Variants in OR2M4 observed in about 807,000 individuals in gnomAD.
OR2M4 encodes olfactory receptor family 2 subfamily M member 4, also known as olfactory receptor 2M4.
In OR2M4, 8 loss-of-function variants were observed where a neutral mutation model predicts 13.7. The observed-to-expected ratio is 0.58, with a 90% CI of 0.34 to 1.05. The LOEUF (loss-of-function observed/expected upper bound fraction) is 1.05. Among genes scored for constraint, OR2M4 ranks in the 50% least tolerant of loss-of-function variants. The pLI is 0.02. For missense variants in OR2M4, 374 were observed against 381.6 expected, an observed-to-expected ratio of 0.98 and a Z score of 0.17; for synonymous variants, 152 against 141.3, an observed-to-expected ratio of 1.08 and a Z score of -0.53.
chr1:248,236,664 G>C (rs1289714708), intron 1 of OR2M4, among the ~76,000 whole-genome samples: 1 of 151,934 alleles, frequency 6.6e-6, no homozygotes, highest in East Asian at 1.9e-4. Flanking sequence ...AAAATAGACT[G>C]CTGGCTAGGC....
chr1:248,239,588 T>C lies in OR2M4; in HGVS notation c.660T>C (p.His220=), dbSNP rs1361854174. 6.2e-7 allele frequency: 1 copy of C among 1,614,118 alleles called. No individual in the cohort carries two copies. The highest frequency in any genetic ancestry group is 8.5e-7 in the Non-Finnish European group (1 of 1,180,020). Residue 220 remains histidine (H), a synonymous_variant, in exon 2 of 2, where the codon CAT becomes CAC. Transcript: ENST00000641868. ...PVSVIILSYS[H]VLRAVIHMGS... The stretch of plus-strand genomic sequence containing the variant: ...CAGTTATCATACTTTCCTATTCCCA[T>C]GTCCTTCGAGCCGTCATCCACATGG...
intron 1 of OR2M4, among the ~76,000 whole-genome samples, chr1:248,233,050 A>C (rs1045077987): frequency 6.6e-6 from 1 of 152,160 alleles, no homozygotes; most frequent in Non-Finnish European, 1.5e-5. Flanking sequence ...AGTTTAATTT[A>C]GTTAAGATAA....
At chr1:248,231,977 A>C (rs1015236121) in intron 1 of OR2M4, among the ~76,000 whole-genome samples, 1 of 152,186 alleles carries the variant, frequency 6.6e-6, no homozygotes, top group Non-Finnish European at 1.5e-5. Flanking sequence ...TGAATTTACA[A>C]AAACAATCAT....
intron 1 of OR2M4, among the ~76,000 whole-genome samples, chr1:248,232,174 C>T (rs1041722638): frequency 3.3e-5 from 5 of 152,064 alleles, no homozygotes; most frequent in African/African-American, 1.2e-4. Flanking sequence ...TCATAAAATT[C>T]TGACAATCAA....
rs989723289 is a variant in OR2M4 at position 248,232,468 on chromosome 1, C to T, written c.-20+888C>T. Among the ~76,000 whole-genome samples, 19 of 152,014 alleles carry T rather than the reference C, an allele frequency of 1.2e-4. No homozygotes were observed. The East Asian group carries it at 3.1e-3, about 25-fold the overall frequency. ...AAAATTTCTTATCACTTCAGGCCCT[C>T]TTAATATTATTTTGTTTTCTTTTTA... On this transcript the variant is annotated intron_variant, in intron 1 of 1. Coordinates refer to ENST00000641868, the MANE Select transcript of OR2M4 (RefSeq NM_017504.2).
rs1666637326 is a variant in OR2M4, at chr1:248,243,533, A to T, written c.*3669A>T. ...CCCTCCCTCAGGCAGAGGCCACAGC[A>T]GAGAGAGCTACCTTTCAGCATGTAC... On this transcript the variant is annotated 3_prime_UTR_variant, in exon 2 of 2. Coordinates refer to ENST00000641868, the MANE Select transcript of OR2M4 (RefSeq NM_017504.2). 2 of 152,222 alleles carry T rather than the reference A, an allele frequency of 1.3e-5. No individual in the cohort carries two copies. Among genetic ancestry groups the T allele is most frequent in the South Asian group, 4.1e-4 (2 of 4,834 alleles). The allele number at this position is 152,222 out of a possible 1,614,324, so 9.4% of individuals were successfully genotyped here.
Position 248,243,721 on chromosome 1 carries a change from C to A in OR2M4, c.*3857C>A, listed in dbSNP as rs952209722. The A allele has an allele frequency of 9.9e-4, 151 of 152,280 alleles. No individual in the cohort carries two copies. Among genetic ancestry groups the A allele is most frequent in the African/African-American group, 3.5e-3 (147 of 41,552 alleles). 9.4% of individuals were successfully genotyped at this position (152,280 alleles called of 1,614,324 possible). On this transcript the variant is annotated 3_prime_UTR_variant, in exon 2 of 2. Coordinates refer to ENST00000641868, the MANE Select transcript of OR2M4 (RefSeq NM_017504.2). ...CAAGCTAGACCTAATTAAAGAGCTT[C>A]TTCACAGCAACAGAAATTATCAGCA... is the stretch of plus-strand genomic sequence containing the variant.
chr1:248,232,732 G>A (rs1449884361), intron 1 of OR2M4, among the ~76,000 whole-genome samples: 1 of 152,112 alleles, frequency 6.6e-6, no homozygotes, highest in African/African-American at 2.4e-5. Flanking sequence ...AAATGGAAGA[G>A]CAAAGAAAGG....
At chr1:248,232,196 C>T (rs751474468) in intron 1 of OR2M4, among the ~76,000 whole-genome samples, 4 of 151,994 alleles carry the variant, frequency 2.6e-5, no homozygotes, top group African/African-American at 4.8e-5. Context: ...GTTATAAAGA[C>T]GAAGTAAAGA....
In OR2M4 at chr1:248,239,434, G is replaced by T; in HGVS notation, c.506G>T (p.Cys169Phe). The T allele has an allele frequency of 6.2e-6, 10 of 1,613,970 alleles. No homozygotes were observed. Among genetic ancestry groups the T allele is most frequent in the Non-Finnish European group, 7.6e-6 (9 of 1,179,996 alleles). ...VLAAVLSFSY[C>F]SSLEIHHFFC... Reference sequence around the variant, plus strand: ...GCAGCTGTCCTGTCATTTTCTTACTGCAGCTCTCTGGAAATTCATCACTTT... The same window carrying T: ...GCAGCTGTCCTGTCATTTTCTTACTTCAGCTCTCTGGAAATTCATCACTTT... The change falls in exon 2 of 2, where the codon TGC becomes TTC. Residue 169 changes from cysteine (C) to phenylalanine (F), a missense_variant. Cys to Phe is a radical substitution (Grantham distance 205). Coordinates refer to ENST00000641868, the MANE Select transcript of OR2M4 (RefSeq NM_017504.2).
intron 1 of OR2M4, among the ~76,000 whole-genome samples, chr1:248,234,890 A>C (rs1666542590): frequency 6.6e-6 from 1 of 150,646 alleles, no homozygotes; most frequent in African/African-American, 2.4e-5. Flanking sequence ...GTTCCTTGTA[A>C]ATCCTGGATA....
Position 248,240,786 on chromosome 1 carries a change from CAGAA to C in OR2M4, c.*923_*926del, listed in dbSNP as rs1383997760. 1.3e-5 allele frequency: 2 copies of C among 152,226 alleles called. No individual in the cohort carries two copies. The highest frequency in any genetic ancestry group is 4.8e-5 in the African/African-American group (2 of 41,440). The allele number at this position is 152,226 out of a possible 1,614,324, so 9.4% of individuals were successfully genotyped here. Reference sequence around the variant, plus strand: ...AATGCCACCCCTCTCTCACCACTGACAGAAGGAACAGTGTGCTAAGAGTGTCTCT... The same window carrying C: ...AATGCCACCCCTCTCTCACCACTGACGGAACAGTGTGCTAAGAGTGTCTCT... On this transcript the variant is annotated 3_prime_UTR_variant, in exon 2 of 2. Transcript: ENST00000641868.
Position 248,243,328 on chromosome 1 carries a change from T to C in OR2M4, c.*3464T>C, listed in dbSNP as rs1666634639. On this transcript the variant is annotated 3_prime_UTR_variant, in exon 2 of 2. Coordinates refer to ENST00000641868, the MANE Select transcript of OR2M4 (RefSeq NM_017504.2). ...AGATGGCGCCTAAGAGTAATGCCCGTAGAGAGGCTCTTGATCGGCCACTTG... is the reference window on the plus strand; with the variant it reads ...AGATGGCGCCTAAGAGTAATGCCCGCAGAGAGGCTCTTGATCGGCCACTTG... The C allele has an allele frequency of 6.6e-6, 1 of 152,172 alleles. No homozygotes were observed. The highest frequency in any genetic ancestry group is 2.4e-5 in the African/African-American group (1 of 41,426). The allele number at this position is 152,172 out of a possible 1,614,324, so 9.4% of individuals were successfully genotyped here. A position where few individuals can be genotyped will look rare whatever the true frequency, so the allele number is the denominator to read the frequency against.
Position 248,243,461 on chromosome 1 carries a change from A to C in OR2M4, c.*3597A>C, listed in dbSNP as rs529181910. 3 of 152,258 alleles carry C rather than the reference A, an allele frequency of 2.0e-5. No individual in the cohort carries two copies. The South Asian group carries it at 6.2e-4, about 32-fold the overall frequency. The allele number at this position is 152,258 out of a possible 1,614,324, so 9.4% of individuals were successfully genotyped here. A position where few individuals can be genotyped will look rare whatever the true frequency, so the allele number is the denominator to read the frequency against. The stretch of plus-strand genomic sequence containing the variant: ...AGCCTTGGAGGAGGCCCCTCCAATT[A>C]CTAGCACTTCGCCTGCATTTCTTTT... On this transcript the variant is annotated 3_prime_UTR_variant, in exon 2 of 2. Transcript: ENST00000641868.
At position 248,239,449 on chromosome 1, in the gene OR2M4, T is replaced by C; in HGVS notation, c.521T>C (p.Ile174Thr). 6.2e-7 allele frequency: 1 copy of C among 1,614,120 alleles called. No individual in the cohort carries two copies. Among genetic ancestry groups the C allele is most frequent in the Non-Finnish European group, 8.5e-7 (1 of 1,180,016 alleles). Residue 174 changes from isoleucine to threonine, a missense_variant, in exon 2 of 2, where the codon ATT becomes ACT. Ile to Thr is a moderately conservative substitution (Grantham distance 89, BLOSUM62 -1). Coordinates refer to ENST00000641868, the MANE Select transcript of OR2M4 (RefSeq NM_017504.2). ...TTTTCTTACTGCAGCTCTCTGGAAATTCATCACTTTTTCTGTGATGTTGCT... is the reference window on the plus strand; with the variant it reads ...TTTTCTTACTGCAGCTCTCTGGAAACTCATCACTTTTTCTGTGATGTTGCT... ...LSFSYCSSLEIHHFFCDVAAL... is the reference protein window; with the variant it reads ...LSFSYCSSLETHHFFCDVAAL...
Position 248,239,498 on chromosome 1 carries a change from A to G in OR2M4, c.570A>G (p.Thr190=), listed in dbSNP as rs1381587603. The G allele has an allele frequency of 1.2e-6, 2 of 1,614,144 alleles. No homozygotes were observed. The highest frequency in any genetic ancestry group is 2.2e-5 in the East Asian group (1 of 44,884). ...CTGCCCTTTTACCTCTATCCTGCACAGAAACATCTGCATTTGAAAGACTAC... is the reference window on the plus strand; with the variant it reads ...CTGCCCTTTTACCTCTATCCTGCACGGAAACATCTGCATTTGAAAGACTAC... ...DVAALLPLSC[T]ETSAFERLLV... The change falls in exon 2 of 2, where the codon ACA becomes ACG. Residue 190 remains threonine (T), a synonymous_variant. Coordinates refer to ENST00000641868, the MANE Select transcript of OR2M4 (RefSeq NM_017504.2).
At position 248,239,005 on chromosome 1, in the gene OR2M4, T is replaced by C; in HGVS notation, c.77T>C (p.Phe26Ser). Residue 26 changes from phenylalanine to serine, a missense_variant, in exon 2 of 2, where the codon TTC becomes TCC. Transcript: ENST00000641868. ...TTCAATCACAGTCCCACCCACACCTTCCTTTTTTCTCTGGTCCTGGGCATC... is the reference window on the plus strand; with the variant it reads ...TTCAATCACAGTCCCACCCACACCTCCCTTTTTTCTCTGGTCCTGGGCATC... ...GIFNHSPTHT[F>S]LFSLVLGIFS... 1 of 1,614,070 alleles carries C rather than the reference T, an allele frequency of 6.2e-7. No individual in the cohort carries two copies.
At chr1:248,238,560 T>C (rs1328152537) in intron 1 of OR2M4, among the ~76,000 whole-genome samples, 2 of 152,188 alleles carry the variant, frequency 1.3e-5, no homozygotes, top group Admixed American at 6.5e-5. Flanking sequence ...AATTTTCTTT[T>C]ATGAGGTATG....
rs944648249 is a variant in OR2M4, at chr1:248,242,490, C to T, written c.*2626C>T. On this transcript the variant is annotated 3_prime_UTR_variant, in exon 2 of 2. Transcript: ENST00000641868. ...GGCCAGGATGGTCTCAATCTCTTGA[C>T]CTCGTGATCCGCCCGCCTTGGCCTC... is the stretch of plus-strand genomic sequence containing the variant. 2.6e-5 allele frequency: 4 copies of T among 152,234 alleles called. No homozygotes were observed. The highest frequency in any genetic ancestry group is 5.9e-5 in the Non-Finnish European group (4 of 68,082). 9.4% of individuals were successfully genotyped at this position (152,234 alleles called of 1,614,324 possible). A position where few individuals can be genotyped will look rare whatever the true frequency, so the allele number is the denominator to read the frequency against.
Sources: allele counts gnomAD v4.1 joint callset (sites outside exome capture counted in the v4.1 genomes callset), GRCh38; gene constraint gnomAD v4.1.1; transcripts MANE v1.5; gene names NCBI Gene and HGNC (gene_info 2026-07-23, HGNC 2026-07-21).